MTUS1: variants seen among roughly 807,000 people sequenced by gnomAD.
MTUS1 encodes the protein microtubule associated scaffold protein 1, also known as microtubule-associated tumor suppressor 1.
MTUS1 carries 109 observed loss-of-function variants against 120.8 expected under a neutral mutation model. That is an observed-to-expected ratio of 0.90 (90% CI 0.77 to 1.06). The LOEUF is 1.06. Among genes scored for constraint, MTUS1 ranks in the 50% least tolerant of loss-of-function variants. MTUS1 has a pLI of 0.00. For missense variants in MTUS1, 2,210 were observed against 1,486.3 expected (o/e 1.49, Z -8.01); for synonymous variants, 737 against 550.5 (o/e 1.34, Z -4.74).
chr8:17,668,169 C>T (rs185200703), intron 8 of MTUS1, among the ~76,000 whole-genome samples: 1 of 152,202 alleles, frequency 6.6e-6, no homozygotes, highest in Non-Finnish European at 1.5e-5. Context: ...GCTTTGAATG[C>T]GGCCCAACAC....
intron 1 of MTUS1, among the ~76,000 whole-genome samples, chr8:17,772,034 A>G (rs986809370): frequency 1.6e-4 from 24 of 152,208 alleles, no homozygotes; most frequent in African/African-American, 5.5e-4. Context: ...GACTTTTAAG[A>G]TGACACAATG....
chr8:17,657,291 G>C (rs913436806), intron 8 of MTUS1, among the ~76,000 whole-genome samples: 1 of 151,790 alleles, frequency 6.6e-6, no homozygotes, highest in Non-Finnish European at 1.5e-5. Context: ...AGCTGAGACC[G>C]GGCGCGGTGG....
intron 1 of MTUS1, among the ~76,000 whole-genome samples, chr8:17,796,422 A>G (rs79153993): frequency 0.046 from 2,807 of 61,076 alleles, 71 homozygotes; most frequent in African/African-American, 0.14. Context: ...AAAGTACCTG[A>G]AAGCTATTTA....
intron 13 of MTUS1, among the ~76,000 whole-genome samples, chr8:17,647,737 C>A (rs903184994): frequency 6.6e-6 from 1 of 152,114 alleles, no homozygotes; most frequent in Non-Finnish European, 1.5e-5. Flanking sequence ...AACTGATCAG[C>A]GGAGAGATGA....
chr8:17,649,952 T>G lies in MTUS1; in HGVS notation c.3395A>C (p.Gln1132Pro). 2 of 1,590,652 alleles carry G rather than the reference T, an allele frequency of 1.3e-6. No homozygotes were observed. Among genetic ancestry groups the G allele is most frequent in the African/African-American group, 1.3e-5 (1 of 74,524 alleles). The change falls in exon 13 of 15, where the codon CAG becomes CCG. Residue 1132 changes from glutamine to proline, a missense_variant. By Grantham distance (76) the Gln-to-Pro change is moderately conservative. Coordinates refer to ENST00000693296, the MANE Select transcript of MTUS1 (RefSeq NM_001363059.2). ...AREKANLKNPQIMYLEQELES... is the reference protein window; with the variant it reads ...AREKANLKNPPIMYLEQELES... Reference sequence around the variant, plus strand: ...TAACTCCTGTTCTAGATACATGATCTGAGGATTTTTCTGGAAAGGACACAG... The same window carrying G: ...TAACTCCTGTTCTAGATACATGATCGGAGGATTTTTCTGGAAAGGACACAG...
rs1805393938 is a variant in MTUS1 at position 17,644,311 on chromosome 8, T to C, written c.*1615A>G. ...GCAACATGAGTATCAACTTGCTATGTAGTGTACATGTAAATGACCCAAATA... is the reference window on the plus strand; with the variant it reads ...GCAACATGAGTATCAACTTGCTATGCAGTGTACATGTAAATGACCCAAATA... On this transcript the variant is annotated 3_prime_UTR_variant, in exon 15 of 15. Transcript: ENST00000693296. 6.5e-6 allele frequency: 1 copy of C among 152,696 alleles called. No homozygotes were observed. The highest frequency in any genetic ancestry group is 1.5e-5 in the Non-Finnish European group (1 of 68,052). The allele number at this position is 152,696 out of a possible 1,614,324, so 9.5% of individuals were successfully genotyped here.
intron 8 of MTUS1, among the ~76,000 whole-genome samples, chr8:17,667,758 A>C (rs1270691192): frequency 2.0e-5 from 3 of 152,210 alleles, no homozygotes; most frequent in African/African-American, 7.2e-5. Flanking sequence ...TTGGGTTCTT[A>C]TGCAAGCTCT....
rs530252062 is a variant in MTUS1, at chr8:17,736,443, T to C, written c.2287+7161A>G. Reference sequence around the variant, plus strand: ...ACGGCTGGTCCCTGTGCCTGGAAAGTCCTCCCGCCTGACACCCAAATGCCT... The same window carrying C: ...ACGGCTGGTCCCTGTGCCTGGAAAGCCCTCCCGCCTGACACCCAAATGCCT... On this transcript the variant is annotated intron_variant, in intron 3 of 14. Transcript: ENST00000693296. Among the ~76,000 whole-genome samples the C allele has an allele frequency of 3.9e-5, 6 of 152,216 alleles. No homozygotes were observed. The South Asian group carries it at 8.3e-4, about 21-fold the overall frequency.
intron 6 of MTUS1, chr8:17,697,183 C>A: frequency 1.3e-6 from 2 of 1,488,752 alleles, no homozygotes; most frequent in Non-Finnish European, 1.8e-6. Context: ...CTTGGAAAAA[C>A]CTCTGATAAA....
chr8:17,756,659 T>G (rs61675171), intron 1 of MTUS1, among the ~76,000 whole-genome samples: 20,290 of 107,832 alleles, frequency 0.19, 2,032 homozygotes, highest in Admixed American at 0.3. Flanking sequence ...CCAATTCATA[T>G]GTCAAGCCCA....
chr8:17,789,326 C>G (rs562304184), intron 1 of MTUS1, among the ~76,000 whole-genome samples: 5 of 152,238 alleles, frequency 3.3e-5, no homozygotes, highest in African/African-American at 1.2e-4. Flanking sequence ...CCACTGCCCC[C>G]GGCCACTTTT....
At chr8:17,747,212 T>C (rs75720893) in intron 2 of MTUS1, among the ~76,000 whole-genome samples, 7,768 of 149,588 alleles carry the variant, frequency 0.052, 291 homozygotes, top group South Asian at 0.14. Flanking sequence ...CAGGGTTCCA[T>C]TCTCCCAGCT....
intron 2 of MTUS1, among the ~76,000 whole-genome samples, chr8:17,745,713 T>C (rs1243219865): frequency 6.6e-6 from 1 of 152,240 alleles, no homozygotes; most frequent in Non-Finnish European, 1.5e-5. Flanking sequence ...CGAACGTTAA[T>C]AACTCCATTC....
chr8:17,701,745 T>C (rs1819135457), intron 6 of MTUS1, among the ~76,000 whole-genome samples: 1 of 152,068 alleles, frequency 6.6e-6, no homozygotes, highest in Non-Finnish European at 1.5e-5. Flanking sequence ...GAGACAGGGT[T>C]TCACCGTGTT....
rs1052529876 is a variant in MTUS1 at position 17,655,952 on chromosome 8, G to C, written c.3019C>G (p.Leu1007Val). The C allele has an allele frequency of 6.2e-7, 1 of 1,614,178 alleles. No individual in the cohort carries two copies. The highest frequency in any genetic ancestry group is 1.7e-5 in the Admixed American group (1 of 60,020). The change falls in exon 9 of 15, where the codon CTT becomes GTT. Residue 1007 changes from leucine (L) to valine (V), a missense_variant. Physicochemically the swap from Leu to Val is conservative, Grantham distance 32. Transcript: ENST00000693296. ...TACTCCCTGGTGTAAAACTCTTTAA[G>C]CCGATTCTCTCGTTCTGTTTTTTCA... is the stretch of plus-strand genomic sequence containing the variant. ...QAEKTERENR[L>V]KEFYTREYEK... is the part of the protein sequence containing the mutation.
At chr8:17,717,279 C>G (rs1442430816) in intron 4 of MTUS1, among the ~76,000 whole-genome samples, 1 of 152,168 alleles carries the variant, frequency 6.6e-6, no homozygotes, top group East Asian at 1.9e-4. Context: ...CTCACCTTCC[C>G]TAGAACCTAG....
At chr8:17,775,877 G>A (rs1219494767) in intron 1 of MTUS1, among the ~76,000 whole-genome samples, 3 of 152,222 alleles carry the variant, frequency 2.0e-5, no homozygotes, top group East Asian at 3.8e-4. Flanking sequence ...TGAGTCGCAT[G>A]ACTACGCAGG....
chr8:17,692,120 C>G (rs1479985702), intron 6 of MTUS1: 1 of 152,158 alleles, frequency 6.6e-6, no homozygotes, highest in Admixed American at 6.6e-5. Flanking sequence ...TTATAATCGG[C>G]CAACATCCGC....
At position 17,753,932 on chromosome 8, in the gene MTUS1, C is replaced by T. The variant is rs377477468; in HGVS notation, c.1876G>A (p.Glu626Lys). Residue 626 changes from glutamate to lysine, a missense_variant, in exon 2 of 15, where the codon GAG becomes AAG. Transcript: ENST00000693296. Reference protein sequence around the residue: ...DKASSSNSACETGSVSALFQK... With the variant: ...DKASSSNSACKTGSVSALFQK... Reference sequence around the variant, plus strand: ...AACAACGCAGAAACGGACCCGGTCTCGCATGCTGAGTTAGAAGAACTGGCT... The same window carrying T: ...AACAACGCAGAAACGGACCCGGTCTTGCATGCTGAGTTAGAAGAACTGGCT... 1.5e-5 allele frequency: 24 copies of T among 1,613,986 alleles called. No homozygotes were observed. The highest frequency in any genetic ancestry group is 9.3e-5 in the African/African-American group (7 of 74,896).
Sources: gnomAD v4.1 joint callset for allele counts (sites outside exome capture counted in the v4.1 genomes callset) on GRCh38, gnomAD v4.1.1 for gene constraint, MANE v1.5 for transcripts, NCBI Gene and HGNC (gene_info 2026-07-23, HGNC 2026-07-21) for gene names.